SOS1: variants seen among roughly 807,000 people sequenced by gnomAD.
SOS1 encodes the protein SOS Ras/Rac guanine nucleotide exchange factor 1.
Under a neutral mutation model 157.6 loss-of-function variants are expected in SOS1, and 25 were observed. The ratio of observed to expected loss-of-function variants is 0.16; its 90% CI spans 0.12 to 0.22. The LOEUF (loss-of-function observed/expected upper bound fraction) is 0.22, where lower values mean the gene tolerates loss of function less well. Among genes scored for constraint, SOS1 ranks in the 10% least tolerant of loss-of-function variants. The pLI, the probability that SOS1 is intolerant of heterozygous loss-of-function variation, is 1.00. For synonymous variants in SOS1, 528 were observed against 534.0 expected (o/e 0.99, Z 0.16); for missense variants, 1,237 against 1,599.1 (o/e 0.77, Z 3.86).
intron 1 of SOS1, among the ~76,000 whole-genome samples, chr2:39,115,122 A>G (rs901078195): frequency 6.6e-6 from 1 of 152,076 alleles, no homozygotes; most frequent in Non-Finnish European, 1.5e-5. Context: ...AAATACCTTC[A>G]TTGAGGTACA....
intron 15 of SOS1, among the ~76,000 whole-genome samples, chr2:39,009,436 C>CA (rs775209001): frequency 2.2e-4 from 33 of 152,276 alleles, no homozygotes; most frequent in Non-Finnish European, 4.1e-4. Flanking sequence ...CGAATCCACA[C>CA]AAAGACCATC....
intron 11 of SOS1, among the ~76,000 whole-genome samples, 157 bp downstream of exon 11, chr2:39,014,605 CATT>C (rs1482869538): frequency 9.9e-5 from 15 of 151,912 alleles, no homozygotes; most frequent in South Asian, 2.1e-4. Context: ...TAAAAGCTAA[CATT>C]ATTATAAAAT....
intron 6 of SOS1, among the ~76,000 whole-genome samples, chr2:39,047,868 A>C (rs994510329): frequency 6.6e-6 from 1 of 152,150 alleles, no homozygotes; most frequent in South Asian, 2.1e-4. Flanking sequence ...GGGTTTCACC[A>C]TGTTGGCCAG....
intron 8 of SOS1, among the ~76,000 whole-genome samples, chr2:39,033,619 T>G (rs370926053): frequency 8.6e-4 from 131 of 152,266 alleles, no homozygotes; most frequent in African/African-American, 3.1e-3. Context: ...CACTGCAGCC[T>G]CGACCTCCTG....
intron 8 of SOS1, 26 bp downstream of exon 8, chr2:39,035,186 C>T (rs2124562351): frequency 2.0e-6 from 3 of 1,509,638 alleles, no homozygotes; most frequent in South Asian, 2.3e-5. Context: ...GAATATGTTA[C>T]AAATAACAAT....
intron 20 of SOS1, among the ~76,000 whole-genome samples, chr2:38,989,622 G>C (rs1280263981): frequency 3.3e-5 from 5 of 152,090 alleles, no homozygotes; most frequent in African/African-American, 1.2e-4. Flanking sequence ...AAAAAGTTCA[G>C]CTGGATGTAT....
chr2:39,070,547 C>T (rs1671759885), intron 1 of SOS1, among the ~76,000 whole-genome samples: 1 of 152,152 alleles, frequency 6.6e-6, no homozygotes, highest in Non-Finnish European at 1.5e-5. Flanking sequence ...ATGGATAACC[C>T]CAAATCTATC....
At chr2:39,070,306 G>C (rs899522286) in intron 1 of SOS1, among the ~76,000 whole-genome samples, 1 of 152,114 alleles carries the variant, frequency 6.6e-6, no homozygotes, top group Non-Finnish European at 1.5e-5. Flanking sequence ...CACATGGTAG[G>C]CTATTTCTAT....
At chr2:39,087,828 G>A (rs297125) in intron 1 of SOS1, among the ~76,000 whole-genome samples, 141,701 of 152,046 alleles carry the variant, frequency 0.93, 66,146 homozygotes, top group African/African-American at 0.97. Context: ...ACAGGTGTGT[G>A]CCACCATGCC....
At chr2:39,109,935 A>G (rs1457653945) in intron 1 of SOS1, among the ~76,000 whole-genome samples, 1 of 152,180 alleles carries the variant, frequency 6.6e-6, no homozygotes, top group Non-Finnish European at 1.5e-5. Flanking sequence ...ACACTACCTA[A>G]CGTCAAAACT....
At chr2:39,045,040 A>C (rs566012596) in intron 6 of SOS1, among the ~76,000 whole-genome samples, 32 of 152,282 alleles carry the variant, frequency 2.1e-4, no homozygotes, top group African/African-American at 7.0e-4. Flanking sequence ...ACGTTATGTA[A>C]AGAGTTGTTA....
chr2:39,011,608 C>G (rs1348021917), intron 14 of SOS1, among the ~76,000 whole-genome samples: 10 of 152,060 alleles, frequency 6.6e-5, no homozygotes. Flanking sequence ...AAGTAGTCTC[C>G]ATTTAAAATC....
At chr2:39,110,465 T>A (rs1673382154) in intron 1 of SOS1, among the ~76,000 whole-genome samples, 1 of 149,950 alleles carries the variant, frequency 6.7e-6, no homozygotes, top group African/African-American at 2.5e-5. Context: ...ATCAACACAA[T>A]CCAATAGAGA....
Position 39,110,035 on chromosome 2 carries a change from T to C in SOS1, c.87+10301A>G, listed in dbSNP as rs917424914. ...AGAGATACAGATACAGTTGTGTGTG[T>C]GTGCGTGTGTGTGTGTGTGTGTGTG... On this transcript the variant is annotated intron_variant, in intron 1 of 22. Transcript: ENST00000402219. Among the ~76,000 whole-genome samples the C allele has an allele frequency of 4.6e-5, 6 of 129,478 alleles. No individual in the cohort carries two copies. In the East Asian group the frequency reaches 9.2e-4, roughly 20 times the overall value. The allele number at this position is 129,478 out of a possible 152,430, so 84.9% of individuals were successfully genotyped here. A position where few individuals can be genotyped will look rare whatever the true frequency, so the allele number is the denominator to read the frequency against.
chr2:39,010,729 C>T (rs765425589), intron 14 of SOS1, 26 bp from the exon 15 acceptor site: 1 of 1,584,840 alleles, frequency 6.3e-7, no homozygotes, highest in South Asian at 1.1e-5. Flanking sequence ...CATAATTCTA[C>T]ATGACACTTT....
intron 8 of SOS1, among the ~76,000 whole-genome samples, chr2:39,034,539 T>C (rs1370197615): frequency 6.6e-6 from 1 of 152,226 alleles, no homozygotes; most frequent in Non-Finnish European, 1.5e-5. Flanking sequence ...GAATATCACT[T>C]TGAGCTACAC....
intron 2 of SOS1, among the ~76,000 whole-genome samples, chr2:39,064,642 A>T (rs531886646): frequency 5.3e-5 from 8 of 152,030 alleles, no homozygotes; most frequent in Non-Finnish European, 1.0e-4. Context: ...CTTTCTCTCC[A>T]ATCAACACAG....
chr2:39,103,088 C>G (rs1673033762), intron 1 of SOS1, among the ~76,000 whole-genome samples: 1 of 151,862 alleles, frequency 6.6e-6, no homozygotes, highest in South Asian at 2.1e-4. Context: ...AAAAGAGTAC[C>G]TAGAAAGAGA....
intron 14 of SOS1, 141 bp downstream of exon 14, chr2:39,011,985 C>T (rs1669487777): frequency 1.4e-6 from 1 of 690,394 alleles, no homozygotes; most frequent in East Asian, 2.7e-5. Flanking sequence ...ACAGGAACTG[C>T]CTGCCTGGCC....
Sources: allele counts gnomAD v4.1 joint callset (sites outside exome capture counted in the v4.1 genomes callset), GRCh38; gene constraint gnomAD v4.1.1; transcripts MANE v1.5; gene names NCBI Gene and HGNC (gene_info 2026-07-23, HGNC 2026-07-21).